MSR1: variants seen among roughly 807,000 people sequenced by gnomAD.
MSR1 encodes macrophage scavenger receptor 1.
In MSR1, 53 loss-of-function variants were observed where a neutral mutation model predicts 47.2. The ratio of observed to expected loss-of-function variants is 1.12; its 90% confidence interval spans 0.90 to 1.41. The LOEUF (loss-of-function observed/expected upper bound fraction) is 1.41. Among genes scored for constraint, MSR1 ranks in the 40% most tolerant of loss-of-function variants. MSR1 has a pLI of 0.00. For synonymous variants in MSR1, 239 were observed against 185.6 expected, an observed-to-expected ratio of 1.29 and a Z score of -2.34; for missense variants, 786 against 546.9, an observed-to-expected ratio of 1.44 and a Z score of -4.36.
At position 16,139,765 on chromosome 8, in the gene MSR1, AAAAAAAAAAATATATATATATAT is replaced by A. The variant is rs1286354415; in HGVS notation, c.1033+3770_1033+3792del. On this transcript the variant is annotated intron_variant, in intron 8 of 9. Transcript: ENST00000262101. Reference sequence around the variant, plus strand: ...CAAAACTTAAAAAAAAAAAAAAAAAAAAAAAAAAAATATATATATATATATATATATATATATATATATATATA... The same window carrying A: ...CAAAACTTAAAAAAAAAAAAAAAAAAATATATATATATATATATATATATA... The A allele has an allele frequency of 1.9e-5, 3 of 161,554 alleles. No individual in the cohort carries two copies. In the East Asian group the frequency reaches 3.5e-3, roughly 187 times the overall value. The allele number at this position is 161,554 out of a possible 1,614,324, so 10.0% of individuals were successfully genotyped here.
At chr8:16,190,841 A>C (rs4609194) in intron 1 of MSR1, among the ~76,000 whole-genome samples, 42,438 of 151,096 alleles carry the variant, frequency 0.28, 8,559 homozygotes, top group African/African-American at 0.53. Context: ...CCTGCCTCAG[A>C]CTCCGGAGTA....
At chr8:16,167,417 T>A (rs1202102945) in intron 4 of MSR1, among the ~76,000 whole-genome samples, 2 of 152,030 alleles carry the variant, frequency 1.3e-5, no homozygotes, top group African/African-American at 4.8e-5. Context: ...AGGTAGCACG[T>A]ACCTTTGATC....
intron 8 of MSR1, among the ~76,000 whole-genome samples, chr8:16,127,048 T>G (rs528117783): frequency 7.9e-5 from 12 of 152,272 alleles, no homozygotes; most frequent in African/African-American, 2.9e-4. Flanking sequence ...TTCAAATTTC[T>G]GGCCTAATGA....
At chr8:16,139,947 G>C (rs1038274952) in intron 8 of MSR1, 5 of 400,884 alleles carry the variant, frequency 1.2e-5, no homozygotes, top group African/African-American at 1.1e-4. Context: ...TCCTCCCCCA[G>C]TATAGCTTAG....
chr8:16,145,135 T>A (rs1445013126), intron 7 of MSR1, among the ~76,000 whole-genome samples: 1 of 152,104 alleles, frequency 6.6e-6, no homozygotes, highest in East Asian at 1.9e-4. Flanking sequence ...TTATATCAGG[T>A]CATAATATCA....
intron 8 of MSR1, among the ~76,000 whole-genome samples, chr8:16,132,093 AATG>A (rs1800274108): frequency 6.6e-6 from 1 of 151,742 alleles, no homozygotes; most frequent in South Asian, 2.1e-4. Flanking sequence ...TGGCCATTTT[AATG>A]ATACCGATTC....
At chr8:16,136,706 G>A (rs767234931) in intron 8 of MSR1, among the ~76,000 whole-genome samples, 2 of 152,116 alleles carry the variant, frequency 1.3e-5, no homozygotes, top group South Asian at 4.2e-4. Context: ...GGGTTCAAGC[G>A]ATTCTCCTGC....
intron 8 of MSR1, among the ~76,000 whole-genome samples, chr8:16,142,464 A>G (rs185868397): frequency 6.6e-6 from 1 of 152,296 alleles, no homozygotes; most frequent in African/African-American, 2.4e-5. Flanking sequence ...TAACAGTAAT[A>G]CTCATTAAGT....
At chr8:16,156,348 G>C (rs958651924) in intron 5 of MSR1, among the ~76,000 whole-genome samples, 1 of 151,838 alleles carries the variant, frequency 6.6e-6, no homozygotes, top group Non-Finnish European at 1.5e-5. Context: ...AAATCTAAGA[G>C]GGGGAACCAC....
At chr8:16,191,036 G>T (rs1023723591) in intron 1 of MSR1, among the ~76,000 whole-genome samples, 2 of 152,002 alleles carry the variant, frequency 1.3e-5, no homozygotes, top group African/African-American at 4.8e-5. Context: ...TATTCTTAAG[G>T]CCAACTTTAT....
intron 5 of MSR1, 64 bp downstream of exon 5, chr8:16,164,001 T>C (rs1358284580): frequency 8.0e-7 from 1 of 1,252,290 alleles, no homozygotes; most frequent in African/African-American, 1.5e-5. Context: ...ATATCAAATC[T>C]CTGCATGTAT....
chr8:16,173,712 G>T lies in MSR1; in HGVS notation c.217+1475C>A, dbSNP rs1288571711. 2.6e-5 allele frequency among the ~76,000 whole-genome samples: 4 copies of T among 151,936 alleles called. No individual in the cohort carries two copies. The South Asian group carries it at 8.3e-4, about 31-fold the overall frequency. On this transcript the variant is annotated intron_variant, in intron 3 of 9. Coordinates refer to ENST00000262101, the MANE Select transcript of MSR1 (RefSeq NM_138715.3). ...CCCTCAGGCTGGAGCACAGTGGCGC[G>T]ATCTCGGCTCACTGCAAGTTCCACC...
At chr8:16,124,305 G>T (rs1800078968) in intron 8 of MSR1, among the ~76,000 whole-genome samples, 1 of 152,052 alleles carries the variant, frequency 6.6e-6, no homozygotes, top group South Asian at 2.1e-4. Context: ...TAATAATCTT[G>T]GTGCATTTAT....
chr8:16,163,013 C>T (rs748245255), intron 5 of MSR1, among the ~76,000 whole-genome samples: 1 of 151,928 alleles, frequency 6.6e-6, no homozygotes, highest in Non-Finnish European at 1.5e-5. Flanking sequence ...ATCATCAAAG[C>T]ACTTTCAGTT....
At chr8:16,151,116 G>A (rs923965388) in intron 6 of MSR1, among the ~76,000 whole-genome samples, 2 of 151,950 alleles carry the variant, frequency 1.3e-5, no homozygotes, top group South Asian at 4.1e-4. Context: ...ATCTTATTTT[G>A]TCATTATCAA....
At chr8:16,133,402 T>A (rs967763327) in intron 8 of MSR1, among the ~76,000 whole-genome samples, 2 of 152,176 alleles carry the variant, frequency 1.3e-5, no homozygotes, top group Admixed American at 6.6e-5. Flanking sequence ...TGCCCAATGA[T>A]TTCCCATTGA....
chr8:16,185,531 C>A (rs1440349191), intron 1 of MSR1, among the ~76,000 whole-genome samples: 4 of 152,030 alleles, frequency 2.6e-5, no homozygotes, highest in Non-Finnish European at 5.9e-5. Context: ...TAGGAATATG[C>A]CGGCAAAGCA....
intron 4 of MSR1, among the ~76,000 whole-genome samples, chr8:16,166,075 T>A (rs1052301854): frequency 2.0e-5 from 3 of 152,000 alleles, no homozygotes; most frequent in Non-Finnish European, 2.9e-5. Flanking sequence ...CATAAAGTGT[T>A]AAGTGACTAG....
chr8:16,117,097 T>C lies in MSR1; in HGVS notation c.1222+3321A>G, dbSNP rs561371448. On this transcript the variant is annotated intron_variant, in intron 9 of 9. Transcript: ENST00000262101. ...TGGACCAATAGTGTCCATGGCCTGT[T>C]AGAAACAAAGCTGCACAGCAGGAGG... Among the ~76,000 whole-genome samples, 24 of 152,054 alleles carry C rather than the reference T, an allele frequency of 1.6e-4. 1 individual carries two copies. The highest frequency in any genetic ancestry group is 2.5e-4 in the Non-Finnish European group (17 of 67,988).
Sources: gnomAD v4.1 joint callset for allele counts (sites outside exome capture counted in the v4.1 genomes callset) on GRCh38, gnomAD v4.1.1 for gene constraint, MANE v1.5 for transcripts, NCBI Gene and HGNC (gene_info 2026-07-23, HGNC 2026-07-21) for gene names.